ESR1: variants seen among roughly 807,000 people sequenced by gnomAD.
The protein encoded by ESR1 is estrogen receptor 1.
ESR1 carries 12 observed loss-of-function variants against 52.7 expected under a neutral mutation model. The observed-to-expected ratio is 0.23, with a 90% CI of 0.15 to 0.37. The LOEUF is 0.37. Ranked by LOEUF, ESR1 falls within the 10% of genes least tolerant of loss-of-function variation. The pLI is 1.00. For missense variants in ESR1, 584 were observed against 779.7 expected (o/e 0.75, Z 2.99); for synonymous variants, 305 against 316.8 (o/e 0.96, Z 0.39).
At position 151,766,419 on chromosome 6, in the gene ESR1, T is replaced by G. The variant is rs149242205; in HGVS notation, c.-70-41424T>G. 8.5e-3 allele frequency among the ~76,000 whole-genome samples: 1,287 copies of G among 152,202 alleles called. 21 individuals are homozygous for G. Among genetic ancestry groups the G allele is most frequent in the African/African-American group, 0.03 (1,226 of 41,502 alleles). ...TTGCTTGAGCCTGGGAAGCGGAGGTTGCAGTGAGCCAAGATTGCACCACTG... is the reference window on the plus strand; with the variant it reads ...TTGCTTGAGCCTGGGAAGCGGAGGTGGCAGTGAGCCAAGATTGCACCACTG... On this transcript the variant is annotated intron_variant, in intron 2 of 2. Transcript: ENST00000404742.
Position 152,014,085 on chromosome 6 carries a change from G to T in ESR1, c.1235+2291G>T, listed in dbSNP as rs564767477. On this transcript the variant is annotated intron_variant, in intron 5 of 7. Coordinates refer to ENST00000206249, the MANE Select transcript of ESR1 (RefSeq NM_000125.4). Reference sequence around the variant, plus strand: ...TATAAAGGGGAGTTCCCCTGCACACGCTCTCTCTCTTCCCCGTTGCCATGA... The same window carrying T: ...TATAAAGGGGAGTTCCCCTGCACACTCTCTCTCTCTTCCCCGTTGCCATGA... 4.3e-3 allele frequency among the ~76,000 whole-genome samples: 651 copies of T among 152,092 alleles called. 1 individual carries two copies. The highest frequency in any genetic ancestry group is 0.015 in the African/African-American group (607 of 41,496).
At chr6:151,730,931 A>G (rs939176616) in intron 2 of ESR1, among the ~76,000 whole-genome samples, 2 of 152,230 alleles carry the variant, frequency 1.3e-5, no homozygotes, top group African/African-American at 4.8e-5. Flanking sequence ...GAATCTTTGC[A>G]TACAACTAAT....
chr6:151,697,420 A>G (rs969079095), intron 1 of ESR1, among the ~76,000 whole-genome samples: 1 of 152,258 alleles, frequency 6.6e-6, no homozygotes, highest in African/African-American at 2.4e-5. Flanking sequence ...TAAAATGGGC[A>G]TAACAACTAC....
At chr6:151,737,459 T>C (rs1782764165) in intron 2 of ESR1, among the ~76,000 whole-genome samples, 2 of 152,334 alleles carry the variant, frequency 1.3e-5, no homozygotes, top group South Asian at 4.1e-4. Flanking sequence ...GTTTCTTTAA[T>C]AGACAAAACA....
intron 2 of ESR1, among the ~76,000 whole-genome samples, chr6:151,848,654 G>C (rs1050807361): frequency 3.3e-5 from 5 of 152,064 alleles, no homozygotes; most frequent in Admixed American, 3.3e-4. Flanking sequence ...GGGTAGAAGT[G>C]GAGGCTGCCC....
intron 2 of ESR1, among the ~76,000 whole-genome samples, chr6:151,717,260 G>C (rs1190211261): frequency 1.3e-5 from 2 of 152,188 alleles, no homozygotes; most frequent in African/African-American, 4.8e-5. Context: ...TGTCTTCTGC[G>C]TTAATCTCAC....
intron 6 of ESR1, among the ~76,000 whole-genome samples, chr6:152,084,026 T>C (rs1018888764): frequency 2.0e-5 from 3 of 152,188 alleles, no homozygotes; most frequent in Non-Finnish European, 4.4e-5. Context: ...CCAACCCAAA[T>C]GTCCATCAAC....
At chr6:151,870,386 T>C (rs1562496492) in intron 2 of ESR1, among the ~76,000 whole-genome samples, 1 of 152,204 alleles carries the variant, frequency 6.6e-6, no homozygotes, top group Non-Finnish European at 1.5e-5. Flanking sequence ...CTCCCAATGA[T>C]ACCATATAGT....
rs1335566480 is a variant in ESR1, at chr6:151,977,034, CAAGTGT to C, written c.1096+32532_1096+32537del. 6.6e-5 allele frequency among the ~76,000 whole-genome samples: 10 copies of C among 152,086 alleles called. No homozygotes were observed. The East Asian group carries it at 1.9e-3, about 29-fold the overall frequency. ...GATGCCATGAAAAACCCACTGAAAA[CAAGTGT>C]AAGTGCTAGGTAATATGTTGAAACA... On this transcript the variant is annotated intron_variant, in intron 4 of 7. Coordinates refer to ENST00000206249, the MANE Select transcript of ESR1 (RefSeq NM_000125.4).
At chr6:151,955,872 C>T (rs2036851319) in intron 4 of ESR1, among the ~76,000 whole-genome samples, 1 of 151,858 alleles carries the variant, frequency 6.6e-6, no homozygotes, top group Non-Finnish European at 1.5e-5. Flanking sequence ...AACCTCTCCT[C>T]CTCTCACCCT....
intron 5 of ESR1, among the ~76,000 whole-genome samples, chr6:152,031,173 G>A (rs1384385733): frequency 1.6e-4 from 24 of 152,026 alleles, no homozygotes; most frequent in East Asian, 5.8e-4. Context: ...CTAAATGCCC[G>A]CAAGAGAAAG....
chr6:151,999,070 G>A (rs2041740735), intron 4 of ESR1, among the ~76,000 whole-genome samples: 1 of 152,056 alleles, frequency 6.6e-6, no homozygotes, highest in Non-Finnish European at 1.5e-5. Context: ...GTCCTCAGCT[G>A]GCCATGCCTG....
At chr6:152,066,444 T>G (rs922889611) in intron 6 of ESR1, among the ~76,000 whole-genome samples, 2 of 152,226 alleles carry the variant, frequency 1.3e-5, no homozygotes, top group Non-Finnish European at 2.9e-5. Context: ...GTTGAAGGTT[T>G]CTGACAGGAA....
intron 6 of ESR1, among the ~76,000 whole-genome samples, chr6:152,087,889 A>T (rs180937366): frequency 6.6e-6 from 1 of 152,214 alleles, no homozygotes; most frequent in South Asian, 2.1e-4. Flanking sequence ...GCTTCCAATC[A>T]TCAGGTTTGG....
exon 7 of ESR1, chr6:152,129,579 T>A (rs2054768340): frequency 6.6e-6 from 1 of 151,088 alleles, no homozygotes; most frequent in Admixed American, 6.6e-5. Context: ...ACTCATAAAA[T>A]TGTCTTCAAA....
chr6:151,741,838 A>G (rs866351962), intron 2 of ESR1, among the ~76,000 whole-genome samples: 1 of 152,160 alleles, frequency 6.6e-6, no homozygotes, highest in African/African-American at 2.4e-5. Context: ...GTACAATATG[A>G]TTAACTATAG....
intron 1 of ESR1, among the ~76,000 whole-genome samples, chr6:151,665,487 A>G (rs899850708): frequency 2.6e-5 from 4 of 152,232 alleles, no homozygotes; most frequent in African/African-American, 9.7e-5. Flanking sequence ...GCTGGAAGCC[A>G]CCAGATCCTA....
chr6:152,064,266 C>T (rs2047788543), intron 6 of ESR1, among the ~76,000 whole-genome samples: 4 of 152,194 alleles, frequency 2.6e-5, no homozygotes, highest in South Asian at 4.2e-4. Context: ...GGCAAAAGCC[C>T]GTGAAGCAGC....
chr6:151,880,509 A>G lies in ESR1; in HGVS notation c.644-146A>G, dbSNP rs867363782. ...GAGAGGTTTTGTTTGCACTTCAAGAAGGACAGAAAAAGGCAGGCAGGCTGG... is the reference window on the plus strand; with the variant it reads ...GAGAGGTTTTGTTTGCACTTCAAGAGGGACAGAAAAAGGCAGGCAGGCTGG... On this transcript the variant is annotated intron_variant, in intron 2 of 7. Coordinates refer to ENST00000206249, the MANE Select transcript of ESR1 (RefSeq NM_000125.4). The G allele has an allele frequency of 6.9e-6, 5 of 728,620 alleles. No homozygotes were observed. In the African/African-American group the frequency reaches 8.6e-5, roughly 13 times the overall value. 45.1% of individuals were successfully genotyped at this position (728,620 alleles called of 1,614,324 possible). A position where few individuals can be genotyped will look rare whatever the true frequency, so the allele number is the denominator to read the frequency against.
Sources: gnomAD v4.1 joint callset for allele counts (sites outside exome capture counted in the v4.1 genomes callset) on GRCh38, gnomAD v4.1.1 for gene constraint, MANE v1.5 for transcripts, NCBI Gene and HGNC (gene_info 2026-07-23, HGNC 2026-07-21) for gene names.